SPTBN1: variants seen among roughly 807,000 people sequenced by gnomAD.
The protein encoded by SPTBN1 is spectrin beta chain, non-erythrocytic 1.
Under a neutral mutation model 266.4 loss-of-function variants are expected in SPTBN1, and 32 were observed. That is an observed-to-expected ratio of 0.12 (90% CI 0.09 to 0.16). The LOEUF (loss-of-function observed/expected upper bound fraction) is 0.16, where lower values mean the gene tolerates loss of function less well. SPTBN1 is among the 10% of genes least tolerant of loss of function. The pLI, the probability that SPTBN1 is intolerant of heterozygous loss-of-function variation, is 1.00. For synonymous variants in SPTBN1, 1,336 were observed against 1,162.2 expected, an observed-to-expected ratio of 1.15 and a Z score of -3.04; for missense variants, 2,296 against 3,067.1, an observed-to-expected ratio of 0.75 and a Z score of 5.94.
intron 5 of SPTBN1, 41 bp downstream of exon 5, chr2:54,616,339 G>A (rs1281286667): frequency 1.3e-6 from 2 of 1,566,854 alleles, no homozygotes; most frequent in Middle Eastern, 1.7e-4. Flanking sequence ...GCTTCTTCCA[G>A]GACTGAATTC....
chr2:54,458,552 A>G (rs538785422), intron 1 of SPTBN1, among the ~76,000 whole-genome samples: 7 of 152,228 alleles, frequency 4.6e-5, no homozygotes, highest in Non-Finnish European at 7.4e-5. Flanking sequence ...TATTTTTTGT[A>G]TACATATTTT....
chr2:54,566,907 CACTA>C (rs1462643431), intron 2 of SPTBN1, among the ~76,000 whole-genome samples: 1 of 152,102 alleles, frequency 6.6e-6, no homozygotes, highest in Non-Finnish European at 1.5e-5. Flanking sequence ...CAGTTGTTGG[CACTA>C]ACTTAGACTA....
chr2:54,631,425 G>T lies in SPTBN1; in HGVS notation c.3378G>T (p.Glu1126Asp). Reference protein sequence around the residue: ...EDYQKMRDMGEMVTQGQTDAQ... With the variant: ...EDYQKMRDMGDMVTQGQTDAQ... Reference sequence around the variant, plus strand: ...ACCAGAAGATGAGGGACATGGGCGAGATGGTCACCCAGGGGCAGACCGATG... The same window carrying T: ...ACCAGAAGATGAGGGACATGGGCGATATGGTCACCCAGGGGCAGACCGATG... Residue 1126 changes from glutamate to aspartate, a missense_variant, in exon 16 of 36, where the codon GAG becomes GAT. Coordinates refer to ENST00000356805, the MANE Select transcript of SPTBN1 (RefSeq NM_003128.3). 1 of 1,614,282 alleles carries T rather than the reference G, an allele frequency of 6.2e-7. No individual in the cohort carries two copies. The highest frequency in any genetic ancestry group is 8.5e-7 in the Non-Finnish European group (1 of 1,180,044).
intron 2 of SPTBN1, chr2:54,559,006 G>T (rs1673085092): frequency 2.5e-6 from 3 of 1,187,988 alleles, no homozygotes; most frequent in Non-Finnish European, 2.3e-6. Context: ...CCCTGTGGTT[G>T]GCTGCGGGCA....
chr2:54,555,207 C>G (rs557981891), intron 2 of SPTBN1, among the ~76,000 whole-genome samples: 5 of 152,134 alleles, frequency 3.3e-5, no homozygotes, highest in Non-Finnish European at 7.4e-5. Flanking sequence ...CCTCTTACTT[C>G]CTTTCCTAGA....
chr2:54,655,338 C>T (rs1680580105), intron 28 of SPTBN1, 130 bp downstream of exon 28: 2 of 1,242,650 alleles, frequency 1.6e-6, no homozygotes, highest in African/African-American at 1.5e-5. Context: ...TTTAAAACTC[C>T]TTTCCTGTGC....
intron 26 of SPTBN1, among the ~76,000 whole-genome samples, chr2:54,650,402 C>T (rs1261476930): frequency 2.0e-5 from 3 of 152,190 alleles, no homozygotes; most frequent in East Asian, 1.9e-4. Flanking sequence ...TATCATGCCT[C>T]GTCCCCAGTA....
chr2:54,631,042 A>G lies in SPTBN1; in HGVS notation c.2995A>G (p.Thr999Ala), dbSNP rs778973682. 1 of 1,613,962 alleles carries G rather than the reference A, an allele frequency of 6.2e-7. No homozygotes were observed. The highest frequency in any genetic ancestry group is 1.1e-5 in the South Asian group (1 of 91,082). Reference protein sequence around the residue: ...AGVMALQRKLTGMERDLVAIE... With the variant: ...AGVMALQRKLAGMERDLVAIE... ...CGTCATGGCCCTGCAGCGCAAGCTGACCGGCATGGAGCGGGACTTGGTGGC... is the reference window on the plus strand; with the variant it reads ...CGTCATGGCCCTGCAGCGCAAGCTGGCCGGCATGGAGCGGGACTTGGTGGC... Residue 999 changes from threonine to alanine, a missense_variant, in exon 16 of 36, where the codon ACC (threonine) becomes GCC (alanine). Physicochemically the swap from Thr to Ala is moderately conservative, Grantham distance 58 (BLOSUM62 0). Coordinates refer to ENST00000356805, the MANE Select transcript of SPTBN1 (RefSeq NM_003128.3).
chr2:54,484,395 A>G (rs1217034265), intron 1 of SPTBN1, among the ~76,000 whole-genome samples: 1 of 152,086 alleles, frequency 6.6e-6, no homozygotes, highest in Non-Finnish European at 1.5e-5. Flanking sequence ...TAAATTTTAG[A>G]CTTTTTGTTA....
intron 7 of SPTBN1, among the ~76,000 whole-genome samples, chr2:54,619,170 A>T (rs1007745419): frequency 2.0e-5 from 3 of 152,254 alleles, no homozygotes; most frequent in Admixed American, 6.5e-5. Flanking sequence ...CCAAAGGCAG[A>T]TCAAGGTCAT....
At chr2:54,468,270 G>A (rs757786408) in intron 1 of SPTBN1, among the ~76,000 whole-genome samples, 2 of 151,812 alleles carry the variant, frequency 1.3e-5, no homozygotes, top group African/African-American at 4.8e-5. Context: ...CCGCACCATT[G>A]CGCTCCAGCC....
chr2:54,529,321 A>T (rs754775141), intron 2 of SPTBN1: 2 of 531,356 alleles, frequency 3.8e-6, no homozygotes, highest in Non-Finnish European at 3.5e-6. Flanking sequence ...TACCTCAAAG[A>T]TACACTTGAG....
chr2:54,610,326 A>G (rs1677131230), intron 3 of SPTBN1, among the ~76,000 whole-genome samples: 1 of 152,236 alleles, frequency 6.6e-6, no homozygotes. Context: ...TTAAATTGTC[A>G]TATGATGACT....
In SPTBN1 at chr2:54,649,825, T is replaced by A. The variant is rs775988208; in HGVS notation, c.5413T>A (p.Tyr1805Asn). The A allele has an allele frequency of 1.2e-6, 2 of 1,614,080 alleles. No individual in the cohort carries two copies. The highest frequency in any genetic ancestry group is 1.3e-5 in the African/African-American group (1 of 74,922). ...AAGAACACAGATTCTTGCCGCTTCCTATGAACTGCACAAGTTTTACCACGA... is the reference window on the plus strand; with the variant it reads ...AAGAACACAGATTCTTGCCGCTTCCAATGAACTGCACAAGTTTTACCACGA... ...DTRTQILAASYELHKFYHDAK... is the reference protein window; with the variant it reads ...DTRTQILAASNELHKFYHDAK... Residue 1805 changes from tyrosine to asparagine, a missense_variant, in exon 26 of 36, where the codon TAT (tyrosine) becomes AAT (asparagine). By Grantham distance (143) the Tyr-to-Asn change is moderately radical (BLOSUM62 -2). This residue lies in a region of SPTBN1 where 644 missense variants were observed against 745.3 expected (regional missense o/e 0.86). Coordinates refer to ENST00000356805, the MANE Select transcript of SPTBN1 (RefSeq NM_003128.3). The surrounding 1 kb of genome is among the most constrained non-coding windows in gnomAD (Gnocchi z 6.7).
intron 4 of SPTBN1, among the ~76,000 whole-genome samples, 166 bp downstream of exon 4, chr2:54,612,500 C>T (rs370016592): frequency 7.9e-5 from 12 of 152,306 alleles, no homozygotes; most frequent in East Asian, 3.9e-4. Flanking sequence ...AATGCTGCCT[C>T]GTAGGCACGT....
At chr2:54,472,611 A>AG (rs1491464071) in intron 1 of SPTBN1, among the ~76,000 whole-genome samples, 1 of 146,662 alleles carries the variant, frequency 6.8e-6, no homozygotes, top group East Asian at 2.0e-4. Context: ...TGGTAAAAAC[A>AG]GGGGGGGTTG....
chr2:54,625,441 A>G (rs1572702945), intron 11 of SPTBN1, among the ~76,000 whole-genome samples: 1 of 152,122 alleles, frequency 6.6e-6, no homozygotes, highest in African/African-American at 2.4e-5. Flanking sequence ...GAGGGCATCT[A>G]AGCTCAAGGC....
intron 35 of SPTBN1, among the ~76,000 whole-genome samples, chr2:54,668,111 C>T (rs1246513311): frequency 1.3e-5 from 2 of 152,202 alleles, no homozygotes; most frequent in East Asian, 1.9e-4. Flanking sequence ...ACTGGTCTTC[C>T]AGCTGTTACA....
chr2:54,670,094 CTATT>C lies in SPTBN1; in HGVS notation c.*1528_*1531del, dbSNP rs1282362213. 4.6e-5 allele frequency: 7 copies of C among 152,168 alleles called. No homozygotes were observed. In the East Asian group the frequency reaches 7.7e-4, roughly 17 times the overall value. The allele number at this position is 152,168 out of a possible 1,614,324, so 9.4% of individuals were successfully genotyped here. On this transcript the variant is annotated 3_prime_UTR_variant, in exon 36 of 36. Transcript: ENST00000356805. ...TGGGCATGGCTGTGTTCCAGTAAAA[CTATT>C]TAAGGACATAAATTTGAATTTCATA... is the stretch of plus-strand genomic sequence containing the variant.
Sources: allele counts gnomAD v4.1 joint callset (sites outside exome capture counted in the v4.1 genomes callset), GRCh38; gene constraint gnomAD v4.1.1; regional missense constraint gnomAD v4.1.1; non-coding constraint Gnocchi (gnomAD v3.1); transcripts MANE v1.5; gene names NCBI Gene and HGNC (gene_info 2026-07-23, HGNC 2026-07-21).